MLPH: variants seen among roughly 807,000 people sequenced by gnomAD.
MLPH encodes the protein exophilin-3.
Under a neutral mutation model 72.1 loss-of-function variants are expected in MLPH, and 51 were observed. The ratio of observed to expected loss-of-function variants is 0.71; its 90% CI spans 0.56 to 0.89. The LOEUF (loss-of-function observed/expected upper bound fraction) is 0.89, where lower values mean the gene tolerates loss of function less well. MLPH is among the 40% of genes least tolerant of loss of function. MLPH has a pLI of 0.00. For synonymous variants in MLPH, 301 were observed against 310.1 expected, an observed-to-expected ratio of 0.97 and a Z score of 0.31; for missense variants, 743 against 759.9, an observed-to-expected ratio of 0.98 and a Z score of 0.26.
At chr2:237,526,792 G>A (rs2080314460) in intron 7 of MLPH, among the ~76,000 whole-genome samples, 1 of 152,170 alleles carries the variant, frequency 6.6e-6, no homozygotes, top group African/African-American at 2.4e-5. Flanking sequence ...AATGTGGTAA[G>A]AAAGGGGTAT....
At chr2:237,518,839 G>A (rs1369043334) in intron 5 of MLPH, among the ~76,000 whole-genome samples, 191 bp downstream of exon 5, 2 of 152,234 alleles carry the variant, frequency 1.3e-5, no homozygotes, top group East Asian at 1.9e-4. Context: ...CACCAGGCAG[G>A]AGCAGTGCTT....
rs1245661731 is a variant in MLPH, at chr2:237,522,400, C to T, written c.675+2371C>T. On this transcript the variant is annotated intron_variant, in intron 6 of 15. Transcript: ENST00000264605. Reference sequence around the variant, plus strand: ...GGCTTGGACCTTCAAACACCTGCTACAACTATAGTGCTGGAGCGGAGCAGG... The same window carrying T: ...GGCTTGGACCTTCAAACACCTGCTATAACTATAGTGCTGGAGCGGAGCAGG... 1.0e-4 allele frequency among the ~76,000 whole-genome samples: 11 copies of T among 110,162 alleles called. 1 individual carries two copies. The highest frequency in any genetic ancestry group is 9.0e-4 in the Admixed American group (11 of 12,270). The allele number at this position is 110,162 out of a possible 152,430, so 72.3% of individuals were successfully genotyped here.
intron 13 of MLPH, among the ~76,000 whole-genome samples, chr2:237,547,711 T>G (rs6752745): frequency 3.1e-5 from 2 of 64,392 alleles, no homozygotes; most frequent in Admixed American, 2.0e-4. Flanking sequence ...TCCCCGTGTT[T>G]AGGTGGAGTG....
intron 10 of MLPH, 120 bp downstream of exon 10, chr2:237,540,653 C>T: frequency 6.7e-7 from 1 of 1,495,052 alleles, no homozygotes. Flanking sequence ...CACCAAGGGC[C>T]CTTGATGGGG....
chr2:237,547,943 A>C lies in MLPH; in HGVS notation c.1617+1260A>C, dbSNP rs572272385. ...GGCTTTAGCTTCAGGCCTTACCTGCAGCCCAGCGCAGCAGGGAGCCTCAAG... is the reference window on the plus strand; with the variant it reads ...GGCTTTAGCTTCAGGCCTTACCTGCCGCCCAGCGCAGCAGGGAGCCTCAAG... On this transcript the variant is annotated intron_variant, in intron 13 of 15. Transcript: ENST00000264605. Among the ~76,000 whole-genome samples the C allele has an allele frequency of 2.6e-5, 4 of 152,284 alleles. No homozygotes were observed. In the South Asian group the frequency reaches 6.2e-4, roughly 24 times the overall value.
chr2:237,531,909 G>GA (rs907744995), intron 8 of MLPH, among the ~76,000 whole-genome samples: 5 of 150,724 alleles, frequency 3.3e-5, no homozygotes, highest in African/African-American at 7.3e-5. Context: ...TATTCACAGG[G>GA]AAAAAAAAAG....
chr2:237,548,808 G>A (rs2080971950), intron 13 of MLPH, among the ~76,000 whole-genome samples: 1 of 152,218 alleles, frequency 6.6e-6, no homozygotes, highest in South Asian at 2.1e-4. Context: ...AAACCCGGGA[G>A]GCGGAGCTTG....
rs563793351 is a variant in MLPH at position 237,549,235 on chromosome 2, C to A, written c.1632C>A (p.Pro544=). 7 of 1,614,134 alleles carry A rather than the reference C, an allele frequency of 4.3e-6. No individual in the cohort carries two copies. The South Asian group carries it at 6.6e-5, about 15-fold the overall frequency. ...GTTTCTTCTAGGCAATGGCTGTGCC[C>A]TATCTTCTGAGAAGAAAGTTCAGTA... ...PSSEAKAMAV[P]YLLRRKFSNS... is the part of the protein sequence containing the mutation. Residue 544 remains proline (P), a synonymous_variant, in exon 14 of 16, where the codon CCC becomes CCA. Coordinates refer to ENST00000264605, the MANE Select transcript of MLPH (RefSeq NM_024101.7).
At chr2:237,545,700 A>G in intron 12 of MLPH, 1 of 1,195,748 alleles carries the variant, frequency 8.4e-7, no homozygotes, top group South Asian at 1.5e-5. Context: ...AGACAAAACC[A>G]TCCTGATTAG....
At chr2:237,551,298 C>A (rs2081035832) in intron 14 of MLPH, among the ~76,000 whole-genome samples, 1 of 152,274 alleles carries the variant, frequency 6.6e-6, no homozygotes, top group Non-Finnish European at 1.5e-5. Context: ...GAGAGGGGAA[C>A]AGCACAACAG....
intron 15 of MLPH, 150 bp from the exon 16 acceptor site, chr2:237,553,416 T>A: frequency 2.5e-6 from 2 of 789,186 alleles, no homozygotes; most frequent in Admixed American, 4.0e-5. Context: ...CACATGCATG[T>A]GTGCACAAAC....
At chr2:237,490,829 A>G (rs911697555) in intron 1 of MLPH, among the ~76,000 whole-genome samples, 16 of 152,262 alleles carry the variant, frequency 1.1e-4, no homozygotes, top group African/African-American at 3.9e-4. Flanking sequence ...TTTCTTGACC[A>G]GAACCTAAAT....
intron 6 of MLPH, 69 bp downstream of exon 6, chr2:237,520,098 G>T: frequency 6.2e-7 from 1 of 1,604,736 alleles, no homozygotes; most frequent in South Asian, 1.1e-5. Context: ...CAGGCCCCAG[G>T]TGAGGGACAG....
chr2:237,545,775 A>G, intron 12 of MLPH: 1 of 591,126 alleles, frequency 1.7e-6, no homozygotes, highest in Middle Eastern at 7.2e-4. Flanking sequence ...GACGGAAAAT[A>G]CAGGATGCCC....
At chr2:237,516,780 AATGGATGGATGG>A (rs545327814) in intron 4 of MLPH, among the ~76,000 whole-genome samples, 1,614 of 142,760 alleles carry the variant, frequency 0.011, 15 homozygotes, top group South Asian at 0.017. Flanking sequence ...GGGAGAGATG[AATGGATGGATGG>A]ATGGATGGAT....
intron 2 of MLPH, among the ~76,000 whole-genome samples, chr2:237,509,019 A>G (rs2079834602): frequency 6.6e-6 from 1 of 152,192 alleles, no homozygotes; most frequent in South Asian, 2.1e-4. Context: ...CCCAATTAGC[A>G]GAGTGCATGG....
chr2:237,497,544 G>A (rs547693853), intron 2 of MLPH, among the ~76,000 whole-genome samples: 1 of 152,190 alleles, frequency 6.6e-6, no homozygotes, highest in South Asian at 2.1e-4. Flanking sequence ...AACACGCCTC[G>A]CAGTGTGCTC....
intron 6 of MLPH, among the ~76,000 whole-genome samples, chr2:237,524,809 G>A (rs2080266999): frequency 6.6e-6 from 1 of 152,210 alleles, no homozygotes; most frequent in African/African-American, 2.4e-5. Context: ...GTGAACTTCT[G>A]AACTCCATTC....
At position 237,554,067 on chromosome 2, in the gene MLPH, G is replaced by T; in HGVS notation, c.*475G>T. On this transcript the variant is annotated 3_prime_UTR_variant, in exon 16 of 16. Coordinates refer to ENST00000264605, the MANE Select transcript of MLPH (RefSeq NM_024101.7). ...TTGCGTATTTCTTGTGGGTGTGACT[G>T]GATATTAGACATCCGGACAAGTGAC... is the stretch of plus-strand genomic sequence containing the variant. 1 of 296,822 alleles carries T rather than the reference G, an allele frequency of 3.4e-6. No homozygotes were observed. The allele number at this position is 296,822 out of a possible 1,614,324, so 18.4% of individuals were successfully genotyped here. A position where few individuals can be genotyped will look rare whatever the true frequency, so the allele number is the denominator to read the frequency against.
Sources: allele counts gnomAD v4.1 joint callset (sites outside exome capture counted in the v4.1 genomes callset), GRCh38; gene constraint gnomAD v4.1.1; transcripts MANE v1.5; gene names NCBI Gene and HGNC (gene_info 2026-07-23, HGNC 2026-07-21).